Variants in GRM7 observed in about 807,000 individuals in gnomAD.
GRM7 encodes the protein glutamate metabotropic receptor 7, also known as metabotropic glutamate receptor 7.
A neutral mutation model predicts 84.5 loss-of-function variants in GRM7; 35 were observed. That is an observed-to-expected ratio of 0.41 (90% CI 0.32 to 0.55). The LOEUF (loss-of-function observed/expected upper bound fraction) is 0.55, where lower values mean the gene tolerates loss of function less well. GRM7 is among the 20% of genes least tolerant of loss of function. The probability of loss-of-function intolerance (pLI) is 0.19; values close to 1 mark genes in which losing one functional copy is unlikely to be tolerated. For synonymous variants in GRM7, 487 were observed against 455.1 expected (o/e 1.07, Z -0.89); for missense variants, 1,003 against 1,194.6 (o/e 0.84, Z 2.36).
intron 9 of GRM7, among the ~76,000 whole-genome samples, chr3:7,733,576 C>T (rs1275932736): frequency 1.3e-5 from 2 of 152,144 alleles, no homozygotes; most frequent in African/African-American, 4.8e-5. Flanking sequence ...TTCTCTGCCT[C>T]CTGCCTCTAT....
In GRM7 at chr3:7,349,336, T is replaced by G. The variant is rs576377771; in HGVS notation, c.1033+42684T>G. ...GGTTGCTGTAACATGTCAGCTTATT[T>G]TCTATTAGCATAAAGTGGCCCAGCT... On this transcript the variant is annotated intron_variant, in intron 4 of 9. Coordinates refer to ENST00000357716, the MANE Select transcript of GRM7 (RefSeq NM_000844.4). Among the ~76,000 whole-genome samples, 30 of 152,282 alleles carry G rather than the reference T, an allele frequency of 2.0e-4. No homozygotes were observed. In the South Asian group the frequency reaches 6.2e-3, roughly 32 times the overall value.
At chr3:7,517,081 T>G (rs562805991) in intron 7 of GRM7, among the ~76,000 whole-genome samples, 7 of 152,186 alleles carry the variant, frequency 4.6e-5, no homozygotes, top group African/African-American at 1.7e-4. Context: ...ACACTCTGCA[T>G]CTCTCTTGGA....
intron 4 of GRM7, among the ~76,000 whole-genome samples, chr3:7,315,884 C>T (rs897636962): frequency 6.6e-5 from 10 of 152,090 alleles, no homozygotes; most frequent in African/African-American, 1.2e-4. Context: ...CTTGGAGCTG[C>T]CTACTCTGCC....
intron 7 of GRM7, among the ~76,000 whole-genome samples, chr3:7,467,767 C>T (rs2124918150): frequency 6.6e-6 from 1 of 152,158 alleles, no homozygotes; most frequent in African/African-American, 2.4e-5. Context: ...ATGTAACATA[C>T]TCTTTCTTTA....
intron 2 of GRM7, among the ~76,000 whole-genome samples, chr3:7,248,114 C>A (rs1401992486): frequency 6.6e-6 from 1 of 152,108 alleles, no homozygotes; most frequent in East Asian, 1.9e-4. Flanking sequence ...AAATTATACT[C>A]CTAGTATTTA....
Position 7,674,116 on chromosome 3 carries a change from C to A in GRM7, c.2452-5933C>A, listed in dbSNP as rs369741957. Among the ~76,000 whole-genome samples the A allele has an allele frequency of 3.5e-4, 53 of 151,966 alleles. 1 individual carries two copies. The highest frequency in any genetic ancestry group is 9.2e-4 in the African/African-American group (38 of 41,478). On this transcript the variant is annotated intron_variant, in intron 8 of 9. Transcript: ENST00000357716. ...GAGCAGTGAGCAGAGGAAGGAAAAG[C>A]AAGAGACAATATACACTATGAAGAA...
intron 1 of GRM7, among the ~76,000 whole-genome samples, chr3:6,897,192 A>T (rs1298247106): frequency 6.6e-6 from 1 of 152,170 alleles, no homozygotes; most frequent in Non-Finnish European, 1.5e-5. Context: ...TGTACCTCAT[A>T]CTATTGAACA....
chr3:7,543,030 G>A (rs1225215814), intron 7 of GRM7, among the ~76,000 whole-genome samples: 1 of 152,118 alleles, frequency 6.6e-6, no homozygotes. Context: ...TTGTCACATA[G>A]TGCTTATCAC....
At chr3:7,381,770 C>A (rs1406444611) in intron 4 of GRM7, among the ~76,000 whole-genome samples, 1 of 152,090 alleles carries the variant, frequency 6.6e-6, no homozygotes, top group Non-Finnish European at 1.5e-5. Context: ...TTAATTTAAA[C>A]ATTTATTATT....
intron 1 of GRM7, among the ~76,000 whole-genome samples, chr3:7,133,709 T>C (rs897761836): frequency 2.0e-5 from 3 of 152,220 alleles, no homozygotes; most frequent in Admixed American, 1.3e-4. Flanking sequence ...ATAAAAATCT[T>C]ACTCTGTTTA....
At chr3:7,550,581 G>C (rs151241387) in intron 7 of GRM7, among the ~76,000 whole-genome samples, 27 of 65,842 alleles carry the variant, frequency 4.1e-4, no homozygotes, top group South Asian at 5.5e-4. Context: ...CTCTCTCTGT[G>C]TGTGTGTGTG....
At chr3:7,658,085 T>C (rs1233985724) in intron 8 of GRM7, among the ~76,000 whole-genome samples, 1 of 152,114 alleles carries the variant, frequency 6.6e-6, no homozygotes, top group African/African-American at 2.4e-5. Context: ...AATTCCCAAG[T>C]TTAGGTGCAT....
intron 1 of GRM7, among the ~76,000 whole-genome samples, chr3:6,864,326 G>A (rs1314837242): frequency 1.3e-5 from 2 of 152,116 alleles, no homozygotes; most frequent in South Asian, 2.1e-4. Flanking sequence ...TGCCCATGTT[G>A]GAATATGTGT....
intron 1 of GRM7, among the ~76,000 whole-genome samples, chr3:7,134,714 G>C (rs892835815): frequency 6.6e-6 from 1 of 152,044 alleles, no homozygotes; most frequent in East Asian, 1.9e-4. Context: ...TGGTTCCTCA[G>C]GCAAATCTGG....
intron 6 of GRM7, among the ~76,000 whole-genome samples, chr3:7,453,913 T>C (rs1697888005): frequency 1.3e-5 from 2 of 152,118 alleles, no homozygotes; most frequent in Admixed American, 1.3e-4. Context: ...AATGACGGGC[T>C]GATAGCGTAT....
chr3:6,927,320 C>T (rs1311600448), intron 1 of GRM7, among the ~76,000 whole-genome samples: 2 of 151,740 alleles, frequency 1.3e-5, no homozygotes, highest in African/African-American at 4.8e-5. Flanking sequence ...CCCAGCTATT[C>T]GGGAGGCTGA....
At chr3:7,146,886 A>G (rs1694127328) in intron 2 of GRM7, among the ~76,000 whole-genome samples, 1 of 152,100 alleles carries the variant, frequency 6.6e-6, no homozygotes, top group Non-Finnish European at 1.5e-5. Flanking sequence ...GAATAAATGA[A>G]GAAAAAAAAA....
intron 8 of GRM7, among the ~76,000 whole-genome samples, chr3:7,671,086 A>C (rs1041531402): frequency 1.3e-5 from 2 of 152,208 alleles, no homozygotes; most frequent in Non-Finnish European, 2.9e-5. Flanking sequence ...TACATAAGAG[A>C]GTAAAATTCC....
intron 2 of GRM7, among the ~76,000 whole-genome samples, chr3:7,215,051 G>A (rs932260808): frequency 1.3e-5 from 2 of 152,060 alleles, no homozygotes; most frequent in African/African-American, 4.8e-5. Context: ...TTGAAAAAGC[G>A]ACCTCTACAA....
Sources: gnomAD v4.1 joint callset for allele counts (sites outside exome capture counted in the v4.1 genomes callset) on GRCh38, gnomAD v4.1.1 for gene constraint, MANE v1.5 for transcripts, NCBI Gene and HGNC (gene_info 2026-07-23, HGNC 2026-07-21) for gene names.